ZFR: variants seen among roughly 807,000 people sequenced by gnomAD.
The protein encoded by ZFR is zinc finger RNA-binding protein.
Under a neutral mutation model 130.7 loss-of-function variants are expected in ZFR, and 19 were observed. The observed-to-expected ratio is 0.15, with a 90% CI of 0.10 to 0.21. ZFR has a LOEUF of 0.21. Among genes scored for constraint, ZFR ranks in the 10% least tolerant of loss-of-function variants. ZFR has a pLI of 1.00. For missense variants in ZFR, 872 were observed against 1,321.5 expected, an observed-to-expected ratio of 0.66 and a Z score of 5.27; for synonymous variants, 466 against 456.9, an observed-to-expected ratio of 1.02 and a Z score of -0.25.
intron 2 of ZFR, among the ~76,000 whole-genome samples, chr5:32,429,048 T>G (rs1012588751): frequency 7.0e-6 from 1 of 143,174 alleles, no homozygotes; most frequent in African/African-American, 2.6e-5. Context: ...TGCAGTGGCG[T>G]GATCTCGGCT....
At chr5:32,397,489 T>C in intron 9 of ZFR, 151 bp from the exon 10 acceptor site, 2 of 994,112 alleles carry the variant, frequency 2.0e-6, no homozygotes, top group South Asian at 3.8e-5. Context: ...AGTCTTGCTC[T>C]GTCGCCCATG....
At chr5:32,389,710 C>A (rs1257257646) in intron 12 of ZFR, among the ~76,000 whole-genome samples, 1 of 152,184 alleles carries the variant, frequency 6.6e-6, no homozygotes, top group Non-Finnish European at 1.5e-5. Context: ...TGTGAAAGAA[C>A]AGTTGGCATA....
At chr5:32,421,856 A>G (rs1753966363) in intron 2 of ZFR, among the ~76,000 whole-genome samples, 1 of 152,186 alleles carries the variant, frequency 6.6e-6, no homozygotes, top group Admixed American at 6.5e-5. Flanking sequence ...TTTACATTAA[A>G]ACAGTGAAAA....
intron 5 of ZFR, among the ~76,000 whole-genome samples, chr5:32,414,665 A>C (rs1358712087): frequency 6.6e-6 from 1 of 152,206 alleles, no homozygotes; most frequent in Non-Finnish European, 1.5e-5. Flanking sequence ...GAAAAGCAGG[A>C]AAGTAAACAA....
intron 15 of ZFR, among the ~76,000 whole-genome samples, chr5:32,380,650 C>CTTTT (rs55724344): frequency 6.2e-5 from 6 of 97,050 alleles, no homozygotes; most frequent in Admixed American, 1.1e-4. Flanking sequence ...ACAGGCATTT[C>CTTTT]TTTTTTTTTT....
chr5:32,368,062 A>AAC (rs1752585225), intron 17 of ZFR, among the ~76,000 whole-genome samples: 1 of 152,182 alleles, frequency 6.6e-6, no homozygotes, highest in Admixed American at 6.5e-5. Flanking sequence ...CCAGAGAGAA[A>AAC]ACATTAACTA....
intron 2 of ZFR, among the ~76,000 whole-genome samples, chr5:32,437,533 T>A (rs1257020773): frequency 6.6e-6 from 1 of 152,212 alleles, no homozygotes; most frequent in Non-Finnish European, 1.5e-5. Context: ...TAATCCTGTA[T>A]TCTGACAGAG....
rs1257741972 is a variant in ZFR at position 32,379,162 on chromosome 5, G to A, written c.2788C>T (p.Arg930Ter). 1 of 1,613,932 alleles carries A rather than the reference G, an allele frequency of 6.2e-7. No homozygotes were observed. The highest frequency in any genetic ancestry group is 8.5e-7 in the Non-Finnish European group (1 of 1,179,952). Residue 930 changes from arginine to a stop codon, truncating the protein, a stop_gained, in exon 17 of 20, where the codon CGA becomes TGA. Transcript: ENST00000265069. LOFTEE classifies it high-confidence loss of function. ...QSCVIIIRIL[R>*]DLCQRVPTWS... ...GTTGGAACTCGCTGACAGAGGTCTC[G>A]AAGAATGCGTATGATAATCACACAG...
chr5:32,416,319 A>C (rs776601030), intron 4 of ZFR, among the ~76,000 whole-genome samples: 4 of 152,242 alleles, frequency 2.6e-5, no homozygotes, highest in Non-Finnish European at 4.4e-5. Context: ...AAATCAATAG[A>C]GAAGAGACCA....
chr5:32,434,873 T>C (rs1318325638), intron 2 of ZFR, among the ~76,000 whole-genome samples: 1 of 152,206 alleles, frequency 6.6e-6, no homozygotes, highest in African/African-American at 2.4e-5. Flanking sequence ...CAATAAACCC[T>C]GAAGGATACC....
intron 4 of ZFR, among the ~76,000 whole-genome samples, chr5:32,415,607 T>A (rs1013903576): frequency 1.3e-5 from 2 of 151,972 alleles, no homozygotes; most frequent in Non-Finnish European, 2.9e-5. Flanking sequence ...ATATTTCAAT[T>A]CACAGTAAAA....
At chr5:32,426,904 G>GGA (rs1554074424) in intron 2 of ZFR, among the ~76,000 whole-genome samples, 9 of 132,984 alleles carry the variant, frequency 6.8e-5, no homozygotes, top group East Asian at 6.6e-4. Flanking sequence ...CACTCTTTCT[G>GGA]AAAAAAAAAA....
intron 17 of ZFR, among the ~76,000 whole-genome samples, chr5:32,374,740 A>G (rs1411335965): frequency 6.6e-6 from 1 of 152,004 alleles, no homozygotes; most frequent in East Asian, 1.9e-4. Flanking sequence ...AAAATCCTAA[A>G]ATAGCATAAC....
At chr5:32,362,896 T>C (rs1752467450) in intron 19 of ZFR, among the ~76,000 whole-genome samples, 1 of 152,198 alleles carries the variant, frequency 6.6e-6, no homozygotes, top group Admixed American at 6.5e-5. Context: ...TTTGAATTTC[T>C]TTTCCCTTAA....
intron 14 of ZFR, 129 bp from the exon 15 acceptor site, chr5:32,385,778 CCTT>C: frequency 1.1e-6 from 1 of 934,744 alleles, no homozygotes; most frequent in Non-Finnish European, 1.6e-6. Flanking sequence ...ATATACTGCT[CCTT>C]CTAGGAAGCC....
At chr5:32,391,457 C>G (rs1048946172) in intron 11 of ZFR, among the ~76,000 whole-genome samples, 1 of 151,750 alleles carries the variant, frequency 6.6e-6, no homozygotes, top group African/African-American at 2.4e-5. Flanking sequence ...CACCTCTGAG[C>G]TGAACTCAGA....
Position 32,379,106 on chromosome 5 carries a change from A to G in ZFR, c.2835+9T>C. On this transcript the variant is annotated intron_variant, in intron 17 of 19. Transcript: ENST00000265069. ...ATGTTTTTACACCATACAGTTACGT[A>G]CTACTTACCCAGCTTGGAAAATCAG... 1 of 1,604,314 alleles carries G rather than the reference A, an allele frequency of 6.2e-7. No individual in the cohort carries two copies. Among genetic ancestry groups the G allele is most frequent in the Non-Finnish European group, 8.5e-7 (1 of 1,171,446 alleles).
At chr5:32,396,114 G>C (rs1753303847) in intron 10 of ZFR, among the ~76,000 whole-genome samples, 1 of 151,876 alleles carries the variant, frequency 6.6e-6, no homozygotes, top group African/African-American at 2.4e-5. Context: ...AGTTACTTGG[G>C]AGGCTGCGGT....
chr5:32,435,797 AT>A (rs1754318967), intron 2 of ZFR, among the ~76,000 whole-genome samples: 1 of 152,158 alleles, frequency 6.6e-6, no homozygotes, highest in Non-Finnish European at 1.5e-5. Context: ...CATTTGATTG[AT>A]TTCAACCACA....
Sources: gnomAD v4.1 joint callset for allele counts (sites outside exome capture counted in the v4.1 genomes callset) on GRCh38, gnomAD v4.1.1 for gene constraint, MANE v1.5 for transcripts, NCBI Gene and HGNC (gene_info 2026-07-23, HGNC 2026-07-21) for gene names.